GLI3: variants seen among roughly 807,000 people sequenced by gnomAD.
GLI3 encodes transcription activator GLI3.
A neutral mutation model predicts 100.8 loss-of-function variants in GLI3; 20 were observed. The ratio of observed to expected loss-of-function variants is 0.20; its 90% CI spans 0.14 to 0.29. GLI3 has a LOEUF of 0.29. Ranked by LOEUF, GLI3 falls within the 10% of genes least tolerant of loss-of-function variation. The pLI is 1.00. For synonymous variants in GLI3, 938 were observed against 860.5 expected, an observed-to-expected ratio of 1.09 and a Z score of -1.58; for missense variants, 2,040 against 2,128.5, an observed-to-expected ratio of 0.96 and a Z score of 0.82.
At chr7:42,209,400 C>G (rs187114851) in intron 2 of GLI3, among the ~76,000 whole-genome samples, 1 of 152,178 alleles carries the variant, frequency 6.6e-6, no homozygotes, top group Non-Finnish European at 1.5e-5. Context: ...TTGGCCTAAA[C>G]AAAATCTTCA....
At chr7:42,165,997 G>C (rs1787233947) in intron 2 of GLI3, among the ~76,000 whole-genome samples, 1 of 152,188 alleles carries the variant, frequency 6.6e-6, no homozygotes, top group Admixed American at 6.5e-5. Flanking sequence ...TGTTCCGTAT[G>C]CTCCCCTTCC....
intron 3 of GLI3, among the ~76,000 whole-genome samples, chr7:42,137,396 T>C (rs1786454060): frequency 6.6e-6 from 1 of 151,830 alleles, no homozygotes; most frequent in African/African-American, 2.4e-5. Flanking sequence ...CAATCTCATC[T>C]CCCCCTACTG....
intron 2 of GLI3, among the ~76,000 whole-genome samples, chr7:42,209,574 C>A (rs1423578105): frequency 1.3e-5 from 2 of 152,126 alleles, no homozygotes; most frequent in Non-Finnish European, 2.9e-5. Flanking sequence ...TGCAAAATTC[C>A]TGTGGAAATT....
intron 2 of GLI3, among the ~76,000 whole-genome samples, chr7:42,161,647 C>A (rs1787132442): frequency 6.6e-6 from 1 of 152,206 alleles, no homozygotes; most frequent in Admixed American, 6.5e-5. Flanking sequence ...GAGAAATTAA[C>A]TTCTCCAAAG....
intron 2 of GLI3, among the ~76,000 whole-genome samples, chr7:42,184,820 C>T (rs954799112): frequency 3.3e-5 from 5 of 152,048 alleles, no homozygotes; most frequent in Admixed American, 1.3e-4. Context: ...CGTCTCAGTA[C>T]GACTTGGGAC....
intron 2 of GLI3, among the ~76,000 whole-genome samples, chr7:42,218,539 A>C (rs1788421759): frequency 6.6e-6 from 1 of 151,788 alleles, no homozygotes; most frequent in South Asian, 2.1e-4. Flanking sequence ...AAGGCCAAGA[A>C]GTGACCAAAA....
At position 41,981,363 on chromosome 7, in the gene GLI3, T is replaced by C. The variant is rs148406130; in HGVS notation, c.1498-2615A>G. Among the ~76,000 whole-genome samples, 855 of 152,258 alleles carry C rather than the reference T, an allele frequency of 5.6e-3. 7 individuals are homozygous for C. Among genetic ancestry groups the C allele is most frequent in the African/African-American group, 0.019 (788 of 41,542 alleles). Reference sequence around the variant, plus strand: ...TCTCCAGCAGTGAGGATGTGGGAAATACCCCTGCATAAAACTCACATACAC... The same window carrying C: ...TCTCCAGCAGTGAGGATGTGGGAAACACCCCTGCATAAAACTCACATACAC... On this transcript the variant is annotated intron_variant, in intron 10 of 14. Transcript: ENST00000395925.
intron 2 of GLI3, among the ~76,000 whole-genome samples, chr7:42,172,992 T>A (rs1359894880): frequency 6.6e-6 from 1 of 152,220 alleles, no homozygotes; most frequent in East Asian, 1.9e-4. Context: ...AGAAGTCCAG[T>A]GCCCTTACCC....
chr7:42,089,145 A>G (rs1318367280), intron 3 of GLI3, among the ~76,000 whole-genome samples: 2 of 152,144 alleles, frequency 1.3e-5, no homozygotes, highest in African/African-American at 2.4e-5. Flanking sequence ...CTGCATCTAT[A>G]CCTTGTACGC....
At chr7:42,236,569 C>G (rs941417052) in intron 1 of GLI3, among the ~76,000 whole-genome samples, 61 of 152,164 alleles carry the variant, frequency 4.0e-4, no homozygotes, top group Non-Finnish European at 7.2e-4. Flanking sequence ...GCCGTGCGCG[C>G]CCGAAGCCCG....
chr7:42,250,820 G>A (rs756208658), intron 1 of GLI3, among the ~76,000 whole-genome samples: 11 of 152,150 alleles, frequency 7.2e-5, no homozygotes, highest in East Asian at 3.9e-4. Flanking sequence ...GGGAAAGGGC[G>A]AAAGAATAGG....
In GLI3 at chr7:41,972,592, C is replaced by T; in HGVS notation, c.1848G>A (p.Lys616=). 1 of 1,608,022 alleles carries T rather than the reference C, an allele frequency of 6.2e-7. No individual in the cohort carries two copies. ...PYVCKIPGCT[K]RYTDPSSLRK... Reference sequence around the variant, plus strand: ...GGAGGGAGCTTGGGTCTGTGTAACGCTTAGTGCAGCCTGGGATTTTGCACA... The same window carrying T: ...GGAGGGAGCTTGGGTCTGTGTAACGTTTAGTGCAGCCTGGGATTTTGCACA... Residue 616 remains lysine, a synonymous_variant, in exon 13 of 15, where the codon AAG becomes AAA. Coordinates refer to ENST00000395925, the MANE Select transcript of GLI3 (RefSeq NM_000168.6). The surrounding 1 kb of genome is among the most constrained non-coding windows in gnomAD (Gnocchi z 4.4).
intron 4 of GLI3, among the ~76,000 whole-genome samples, chr7:42,056,897 G>A (rs1023784844): frequency 1.1e-4 from 17 of 151,506 alleles, no homozygotes; most frequent in Admixed American, 4.6e-4. Flanking sequence ...CTGCAGAATC[G>A]CTTGAACCCA....
intron 7 of GLI3, among the ~76,000 whole-genome samples, chr7:42,034,724 G>A (rs890134740): frequency 1.4e-4 from 22 of 152,110 alleles, no homozygotes; most frequent in African/African-American, 4.8e-4. Flanking sequence ...AATTAGGCCC[G>A]TGGTGCTATT....
intron 1 of GLI3, among the ~76,000 whole-genome samples, chr7:42,243,993 C>T (rs565225570): frequency 6.6e-6 from 1 of 152,218 alleles, no homozygotes; most frequent in East Asian, 1.9e-4. Flanking sequence ...GCCACCACAC[C>T]CAGCTAATTT....
chr7:42,224,256 A>T (rs1250356781), intron 1 of GLI3, among the ~76,000 whole-genome samples: 1 of 152,254 alleles, frequency 6.6e-6, no homozygotes, highest in African/African-American at 2.4e-5. Flanking sequence ...AGCATTTCTT[A>T]GGTCTGGCCA....
At chr7:42,222,758 C>T (rs1466588699) in intron 2 of GLI3, 1 of 235,168 alleles carries the variant, frequency 4.3e-6, no homozygotes, top group African/African-American at 2.3e-5. Context: ...GACAAGACAA[C>T]TTTTGTGTCT....
At chr7:42,227,960 G>T (rs574424249) in intron 1 of GLI3, among the ~76,000 whole-genome samples, 1 of 152,328 alleles carries the variant, frequency 6.6e-6, no homozygotes, top group Non-Finnish European at 1.5e-5. Context: ...CTCTTTCTCT[G>T]CGCTTTCCTG....
intron 4 of GLI3, among the ~76,000 whole-genome samples, chr7:42,056,055 C>T (rs1164323367): frequency 1.3e-5 from 2 of 152,136 alleles, no homozygotes; most frequent in African/African-American, 4.8e-5. Flanking sequence ...CTCTTGTCTG[C>T]CACCATGTGA....
Sources: allele counts gnomAD v4.1 joint callset (sites outside exome capture counted in the v4.1 genomes callset), GRCh38; gene constraint gnomAD v4.1.1; non-coding constraint Gnocchi (gnomAD v3.1); transcripts MANE v1.5; gene names NCBI Gene and HGNC (gene_info 2026-07-23, HGNC 2026-07-21).